Variants in PSMA4 observed in about 807,000 individuals in gnomAD.
PSMA4 encodes proteasome 20S subunit alpha 4, also known as proteasome subunit alpha type-4.
Under a neutral mutation model 37.2 loss-of-function variants are expected in PSMA4, and 8 were observed. That is an observed-to-expected ratio of 0.22 (90% CI 0.13 to 0.39). The LOEUF is 0.39. Among genes scored for constraint, PSMA4 ranks in the 10% least tolerant of loss-of-function variants. The probability of loss-of-function intolerance (pLI) is 1.00; values close to 1 mark genes in which losing one functional copy is unlikely to be tolerated. For missense variants in PSMA4, 169 were observed against 305.1 expected (o/e 0.55, Z 3.32); for synonymous variants, 93 against 98.8 (o/e 0.94, Z 0.35).
intron 1 of PSMA4, chr15:78,541,492 C>A: frequency 5.0e-6 from 1 of 200,778 alleles, no homozygotes; most frequent in Non-Finnish European, 1.0e-5. Context: ...TGCCTCCGTA[C>A]CCTTTGTTCA....
At chr15:78,544,116 A>AT in intron 4 of PSMA4, 74 bp from the exon 5 acceptor site, 1 of 1,128,546 alleles carries the variant, frequency 8.9e-7, no homozygotes, top group Non-Finnish European at 1.3e-6. Flanking sequence ...AGAAATTAGA[A>AT]TTTTTTAAAT....
chr15:78,546,544 T>G, intron 7 of PSMA4, 31 bp from the exon 8 acceptor site: 3 of 1,553,070 alleles, frequency 1.9e-6, no homozygotes, highest in Non-Finnish European at 2.6e-6. Flanking sequence ...ATGTAAAAAC[T>G]TAAAATTCTA....
At chr15:78,545,497 TG>T in intron 6 of PSMA4, 136 bp from the exon 7 acceptor site, 2 of 986,978 alleles carry the variant, frequency 2.0e-6, no homozygotes, top group Non-Finnish European at 1.5e-6. Flanking sequence ...AGCTTATCTA[TG>T]GTAGCCAGAA....
In PSMA4 at chr15:78,548,865, T is replaced by C. The variant is rs147521961; in HGVS notation, c.707T>C (p.Leu236Ser). ...CTCAAACAAAAAGAAGTGGAGCAGT[T>C]GATCAAAAAACATGAGGAAGAAGAA... is the stretch of plus-strand genomic sequence containing the variant. ...RVLKQKEVEQ[L>S]IKKHEEEEAK... Residue 236 changes from leucine (L) to serine (S), a missense_variant, in exon 9 of 9, where the codon TTG becomes TCG. Physicochemically the swap from Leu to Ser is moderately radical, Grantham distance 145. Transcript: ENST00000044462. The C allele has an allele frequency of 1.2e-5, 20 of 1,613,070 alleles. No individual in the cohort carries two copies. The highest frequency in any genetic ancestry group is 1.7e-5 in the Non-Finnish European group (20 of 1,179,598).
chr15:78,546,729 G>C (rs776703302), intron 8 of PSMA4, 31 bp downstream of exon 8: 2 of 1,570,236 alleles, frequency 1.3e-6, no homozygotes, highest in East Asian at 2.3e-5. Context: ...TAATTCTTTC[G>C]ACTGAGTGAG....
chr15:78,543,775 C>G, intron 4 of PSMA4: 1 of 168,104 alleles, frequency 5.9e-6, no homozygotes, highest in Non-Finnish European at 1.3e-5. Context: ...TGCCGTATTG[C>G]CCAGGCTGTT....
chr15:78,544,459 C>T, intron 5 of PSMA4, 192 bp downstream of exon 5: 1 of 511,934 alleles, frequency 2.0e-6, no homozygotes, highest in Non-Finnish European at 3.5e-6. Flanking sequence ...GACCACCACA[C>T]CGGGTTAATT....
intron 8 of PSMA4, 134 bp from the exon 9 acceptor site, chr15:78,548,656 G>T (rs534006174): frequency 4.4e-6 from 5 of 1,148,724 alleles, no homozygotes; most frequent in Non-Finnish European, 5.9e-6. Flanking sequence ...ATAATGTTAA[G>T]TATAAAACAT....
Position 78,550,892 on chromosome 15 carries a change from G to A in PSMA4, c.*1948G>A, listed in dbSNP as rs2052633850. The A allele has an allele frequency of 6.6e-6, 1 of 152,170 alleles. No homozygotes were observed. Among genetic ancestry groups the A allele is most frequent in the Non-Finnish European group, 1.5e-5 (1 of 68,034 alleles). The allele number at this position is 152,170 out of a possible 1,614,324, so 9.4% of individuals were successfully genotyped here. Reference sequence around the variant, plus strand: ...TTTGGGGGTTACATGTACATTTTATGAGAATGCAAATTTTGCAAATTCACA... The same window carrying A: ...TTTGGGGGTTACATGTACATTTTATAAGAATGCAAATTTTGCAAATTCACA... On this transcript the variant is annotated 3_prime_UTR_variant, in exon 9 of 9. Transcript: ENST00000044462.
rs371007026 is a variant in PSMA4, at chr15:78,549,213, A to G, written c.*269A>G. 6.8e-6 allele frequency: 2 copies of G among 292,742 alleles called. No individual in the cohort carries two copies. The highest frequency in any genetic ancestry group is 4.4e-5 in the African/African-American group (2 of 45,788). The allele number at this position is 292,742 out of a possible 1,614,324, so 18.1% of individuals were successfully genotyped here. On this transcript the variant is annotated 3_prime_UTR_variant, in exon 9 of 9. Transcript: ENST00000044462. ...GGAAATGAAGGAATAAATTCTCTGT[A>G]GCAGTAATTGTTAAATATACAAAAA... is the stretch of plus-strand genomic sequence containing the variant.
intron 8 of PSMA4, among the ~76,000 whole-genome samples, chr15:78,547,405 G>T (rs979416101): frequency 1.1e-4 from 16 of 152,172 alleles, no homozygotes; most frequent in Non-Finnish European, 1.9e-4. Context: ...CATAGGTTTG[G>T]TATACTTTAC....
rs1358944038 is a variant in PSMA4 at position 78,544,245 on chromosome 15, G to A, written c.265G>A (p.Glu89Lys). 1 of 1,612,782 alleles carries A rather than the reference G, an allele frequency of 6.2e-7. No individual in the cohort carries two copies. The highest frequency in any genetic ancestry group is 8.5e-7 in the Non-Finnish European group (1 of 1,179,168). ...TTCTGATGCTAATGTTCTGACTAAT[G>A]AACTAAGGCTCATTGCTCAAAGGTA... ...ITSDANVLTN[E>K]LRLIAQRYLL... Residue 89 changes from glutamate to lysine, a missense_variant, in exon 5 of 9, where the codon GAA (glutamate) becomes AAA (lysine). Coordinates refer to ENST00000044462, the MANE Select transcript of PSMA4 (RefSeq NM_002789.6).
At chr15:78,542,988 T>G (rs1220816254) in intron 4 of PSMA4, among the ~76,000 whole-genome samples, 1 of 152,194 alleles carries the variant, frequency 6.6e-6, no homozygotes, top group Non-Finnish European at 1.5e-5. Context: ...TGTGGCAGTT[T>G]AATGAAATAA....
In PSMA4 at chr15:78,545,680, G is replaced by A. The variant is rs1277025375; in HGVS notation, c.423G>A (p.Lys141=). 1.2e-6 allele frequency: 2 copies of A among 1,614,006 alleles called. No homozygotes were observed. The highest frequency in any genetic ancestry group is 1.7e-6 in the Non-Finnish European group (2 of 1,179,892). ...GVSLLYIGWD[K]HYGFQLYQSD... is the part of the protein sequence containing the mutation. The stretch of plus-strand genomic sequence containing the variant: ...CATTGCTGTACATTGGCTGGGATAA[G>A]CACTATGGCTTTCAGCTCTATCAGA... The change falls in exon 7 of 9, where the codon AAG becomes AAA. Residue 141 remains lysine (K), a synonymous_variant. Transcript: ENST00000044462.
At chr15:78,541,876 TTAA>T (rs2052459103) in intron 1 of PSMA4, 26 bp from the exon 2 acceptor site, 6 of 1,515,292 alleles carry the variant, frequency 4.0e-6, no homozygotes, top group Non-Finnish European at 4.6e-6. Context: ...GAATCTTATT[TTAA>T]TGATGATCTG....
chr15:78,540,716 C>G (rs1352541246), intron 1 of PSMA4, 177 bp downstream of exon 1: 1 of 152,242 alleles, frequency 6.6e-6, no homozygotes, highest in African/African-American at 2.4e-5. Flanking sequence ...CCCCCGCCGG[C>G]CGCCGTCGGG....
rs145479531 is a variant in PSMA4, at chr15:78,548,291, C to G, written c.632-499C>G. On this transcript the variant is annotated intron_variant, in intron 8 of 8. Transcript: ENST00000044462. Reference sequence around the variant, plus strand: ...GCAGATTGCCCTCTTTTGTCTACTTCCACCCAGTTTCAAGGAAGCACTACT... The same window carrying G: ...GCAGATTGCCCTCTTTTGTCTACTTGCACCCAGTTTCAAGGAAGCACTACT... Among the ~76,000 whole-genome samples the G allele has an allele frequency of 5.9e-5, 9 of 152,214 alleles. No individual in the cohort carries two copies. The East Asian group carries it at 1.7e-3, about 29-fold the overall frequency.
intron 8 of PSMA4, among the ~76,000 whole-genome samples, chr15:78,547,244 TA>T (rs1165868043): frequency 6.6e-6 from 1 of 152,222 alleles, no homozygotes; most frequent in African/African-American, 2.4e-5. Context: ...ATTCCAAACT[TA>T]AAGGCTTGAT....
At chr15:78,540,414 A>G (rs2052420474), upstream of PSMA4, 1 of 152,248 alleles carries the variant, frequency 6.6e-6, no homozygotes, top group South Asian at 2.1e-4. Flanking sequence ...CCCCGCCCCA[A>G]CCCAGCGGTT....
Sources: allele counts gnomAD v4.1 joint callset (sites outside exome capture counted in the v4.1 genomes callset), GRCh38; gene constraint gnomAD v4.1.1; transcripts MANE v1.5; gene names NCBI Gene and HGNC (gene_info 2026-07-23, HGNC 2026-07-21).